The following PPFIA2 variants were observed in gnomAD, a reference collection of about 807,000 sequenced individuals.
PPFIA2 encodes PPFI scaffold protein A2, also known as liprin-alpha-2.
In PPFIA2, 46 loss-of-function variants were observed where a neutral mutation model predicts 175.5. That is an observed-to-expected ratio of 0.26 (90% CI 0.21 to 0.34). The LOEUF (loss-of-function observed/expected upper bound fraction) is 0.34, where lower values mean the gene tolerates loss of function less well. Ranked by LOEUF, PPFIA2 falls within the 10% of genes least tolerant of loss-of-function variation. The pLI, the probability that PPFIA2 is intolerant of heterozygous loss-of-function variation, is 1.00. For synonymous variants in PPFIA2, 568 were observed against 511.4 expected (o/e 1.11, Z -1.49); for missense variants, 1,179 against 1,506.1 (o/e 0.78, Z 3.60).
intron 4 of PPFIA2, among the ~76,000 whole-genome samples, chr12:81,475,613 G>C (rs2057372108): frequency 6.6e-6 from 1 of 152,130 alleles, no homozygotes; most frequent in African/African-American, 2.4e-5. Flanking sequence ...ATGTCCACCT[G>C]AAGGCACTTC....
chr12:81,352,401 C>T lies in PPFIA2; in HGVS notation c.1994+718G>A, dbSNP rs146115776. 2.4e-3 allele frequency among the ~76,000 whole-genome samples: 359 copies of T among 149,090 alleles called. 3 individuals are homozygous for T. The highest frequency in any genetic ancestry group is 8.2e-3 in the African/African-American group (330 of 40,424). ...ACAGAGAGAGAGAGAGAGAGAGAGG[C>T]TTAATTCTATAGAATTAATATATTA... On this transcript the variant is annotated intron_variant, in intron 17 of 32. Transcript: ENST00000549396.
At chr12:81,647,530 G>A (rs1028335470) in intron 4 of PPFIA2, among the ~76,000 whole-genome samples, 2 of 151,836 alleles carry the variant, frequency 1.3e-5, no homozygotes, top group African/African-American at 4.8e-5. Context: ...GGGAGGTCGA[G>A]GTGAGCAGAT....
At chr12:81,727,041 T>G (rs1335232774) in intron 3 of PPFIA2, among the ~76,000 whole-genome samples, 2 of 151,336 alleles carry the variant, frequency 1.3e-5, no homozygotes, top group Admixed American at 6.6e-5. Flanking sequence ...CAAATCTTTT[T>G]TGTTGCAAAC....
intron 4 of PPFIA2, among the ~76,000 whole-genome samples, chr12:81,654,685 C>A (rs1015580906): frequency 4.6e-5 from 7 of 152,108 alleles, no homozygotes; most frequent in Non-Finnish European, 8.8e-5. Flanking sequence ...ACACCAGCAC[C>A]TTAATTGCAG....
intron 3 of PPFIA2, among the ~76,000 whole-genome samples, chr12:81,742,357 G>A (rs1341585257): frequency 6.6e-6 from 1 of 152,124 alleles, no homozygotes; most frequent in Non-Finnish European, 1.5e-5. Context: ...CATCTGATTC[G>A]GGTAAGAGAT....
chr12:81,426,392 T>G (rs1246141745), intron 7 of PPFIA2, among the ~76,000 whole-genome samples: 4 of 152,136 alleles, frequency 2.6e-5, no homozygotes, highest in Admixed American at 1.3e-4. Context: ...TTTCAGTGAG[T>G]GCTGTGAGGC....
Position 81,700,839 on chromosome 12 carries a change from T to C in PPFIA2, c.250-23995A>G, listed in dbSNP as rs961901189. On this transcript the variant is annotated intron_variant, in intron 3 of 32. Transcript: ENST00000549396. ...TAAATAAATCAGTTGGTTATAAAATTGAGTGAAAATAAAAATTTTGTGTGG... is the reference window on the plus strand; with the variant it reads ...TAAATAAATCAGTTGGTTATAAAATCGAGTGAAAATAAAAATTTTGTGTGG... Among the ~76,000 whole-genome samples the C allele has an allele frequency of 2.0e-5, 3 of 152,214 alleles. No individual in the cohort carries two copies. The East Asian group carries it at 5.8e-4, about 29-fold the overall frequency.
intron 4 of PPFIA2, among the ~76,000 whole-genome samples, chr12:81,474,060 C>CT (rs1480848908): frequency 1.3e-5 from 2 of 152,084 alleles, no homozygotes; most frequent in Admixed American, 6.6e-5. Flanking sequence ...GAACTCCAAT[C>CT]TTTTTTTAAT....
intron 7 of PPFIA2, among the ~76,000 whole-genome samples, chr12:81,425,682 A>G (rs1258838176): frequency 6.6e-6 from 1 of 152,008 alleles, no homozygotes; most frequent in Non-Finnish European, 1.5e-5. Flanking sequence ...CCCCTACAGT[A>G]TTATTTAATT....
At chr12:81,651,018 T>C (rs931482476) in intron 4 of PPFIA2, among the ~76,000 whole-genome samples, 18 of 152,160 alleles carry the variant, frequency 1.2e-4, no homozygotes, top group Non-Finnish European at 1.2e-4. Context: ...AAGCATTCTG[T>C]TTTAGATGGA....
chr12:81,740,314 T>A (rs2082171626), intron 3 of PPFIA2, among the ~76,000 whole-genome samples: 1 of 152,134 alleles, frequency 6.6e-6, no homozygotes, highest in Admixed American at 6.6e-5. Context: ...CCTATGAATC[T>A]TTTCTTAAAT....
chr12:81,636,188 C>G (rs1398047972), intron 4 of PPFIA2, among the ~76,000 whole-genome samples: 2 of 151,916 alleles, frequency 1.3e-5, no homozygotes, highest in African/African-American at 4.8e-5. Context: ...TTCTATCCCT[C>G]TAGACATTAA....
chr12:81,316,995 G>C (rs952336105), intron 22 of PPFIA2, among the ~76,000 whole-genome samples: 2 of 151,586 alleles, frequency 1.3e-5, no homozygotes, highest in African/African-American at 4.8e-5. Context: ...GAAAATAGCA[G>C]TTTTTACATT....
chr12:81,625,509 G>A (rs2062596117), intron 4 of PPFIA2, among the ~76,000 whole-genome samples: 1 of 151,538 alleles, frequency 6.6e-6, no homozygotes. Context: ...TCCTGGCTCT[G>A]ATACATTGTG....
chr12:81,696,076 C>T (rs764194779), intron 3 of PPFIA2, among the ~76,000 whole-genome samples: 1 of 152,264 alleles, frequency 6.6e-6, no homozygotes, highest in South Asian at 2.1e-4. Context: ...TGAATATTGG[C>T]TCTGACACTG....
chr12:81,598,208 C>T (rs898238670), intron 4 of PPFIA2: 52 of 1,359,492 alleles, frequency 3.8e-5, no homozygotes, highest in Non-Finnish European at 4.7e-5. Context: ...CATTTGAAAT[C>T]TTAGCTGAAA....
chr12:81,508,237 T>C (rs1343258181), intron 4 of PPFIA2, among the ~76,000 whole-genome samples: 1 of 151,988 alleles, frequency 6.6e-6, no homozygotes, highest in East Asian at 1.9e-4. Context: ...AAGAGCTTTG[T>C]GGGGCCGGGC....
chr12:81,345,006 G>T (rs868792346), intron 18 of PPFIA2, among the ~76,000 whole-genome samples: 15 of 152,106 alleles, frequency 9.9e-5, no homozygotes, highest in Middle Eastern at 3.2e-3. Flanking sequence ...CTAGCTAGAA[G>T]AGTGAGCTAG....
intron 22 of PPFIA2, 57 bp from the exon 23 acceptor site, chr12:81,299,439 A>AT: frequency 6.6e-7 from 1 of 1,513,392 alleles, no homozygotes; most frequent in Non-Finnish European, 8.9e-7. Context: ...GGCTGTGATT[A>AT]TTTTTAATGA....
Sources: allele counts gnomAD v4.1 joint callset (sites outside exome capture counted in the v4.1 genomes callset), GRCh38; gene constraint gnomAD v4.1.1; transcripts MANE v1.5; gene names NCBI Gene and HGNC (gene_info 2026-07-23, HGNC 2026-07-21).